KIAA1328: variants seen among roughly 807,000 people sequenced by gnomAD.
KIAA1328 encodes the protein KIAA1328, also known as protein hinderin.
In KIAA1328, 52 loss-of-function variants were observed where a neutral mutation model predicts 68.1. That is an observed-to-expected ratio of 0.76 (90% CI 0.61 to 0.96). The LOEUF (loss-of-function observed/expected upper bound fraction) is 0.96, where lower values mean the gene tolerates loss of function less well. Ranked by LOEUF, KIAA1328 falls within the 40% of genes least tolerant of loss-of-function variation. The pLI, the probability that KIAA1328 is intolerant of heterozygous loss-of-function variation, is 0.00. For synonymous variants in KIAA1328, 232 were observed against 239.4 expected (o/e 0.97, Z 0.28); for missense variants, 641 against 677.6 (o/e 0.95, Z 0.60).
intron 6 of KIAA1328, among the ~76,000 whole-genome samples, chr18:36,970,787 A>G (rs1016434103): frequency 5.3e-5 from 8 of 152,208 alleles, no homozygotes; most frequent in South Asian, 2.1e-4. Flanking sequence ...ACCACTGCTC[A>G]AGGAAATAAG....
At chr18:37,226,545 A>G (rs1167211223), downstream of KIAA1328, among the ~76,000 whole-genome samples, 1 of 151,418 alleles carries the variant, frequency 6.6e-6, no homozygotes, top group Non-Finnish European at 1.5e-5. Context: ...TAATGAAATC[A>G]TATTCTATGT....
chr18:37,136,596 C>CAG (rs2058651349), intron 7 of KIAA1328, among the ~76,000 whole-genome samples: 1 of 152,184 alleles, frequency 6.6e-6, no homozygotes, highest in Non-Finnish European at 1.5e-5. Flanking sequence ...TGTTGGGCCT[C>CAG]TTGTCTGTGT....
chr18:36,853,252 T>C (rs985694497), intron 4 of KIAA1328, among the ~76,000 whole-genome samples: 2 of 152,356 alleles, frequency 1.3e-5, no homozygotes, highest in African/African-American at 2.4e-5. Flanking sequence ...AGTTAGATTA[T>C]GACTTTTAAA....
At chr18:37,082,633 G>A (rs527320388) in intron 7 of KIAA1328, among the ~76,000 whole-genome samples, 2 of 152,270 alleles carry the variant, frequency 1.3e-5, no homozygotes, top group South Asian at 2.1e-4. Context: ...ATCTTGGGAC[G>A]AGCTTGTCAT....
intron 6 of KIAA1328, among the ~76,000 whole-genome samples, chr18:37,009,578 C>G (rs1206980997): frequency 6.6e-6 from 1 of 152,098 alleles, no homozygotes; most frequent in Non-Finnish European, 1.5e-5. Context: ...TGTCACCAAG[C>G]AAGTTGAGGC....
At chr18:37,160,585 T>C (rs751221192) in intron 8 of KIAA1328, among the ~76,000 whole-genome samples, 6 of 152,212 alleles carry the variant, frequency 3.9e-5, no homozygotes, top group Non-Finnish European at 5.9e-5. Context: ...AATGAAAAAC[T>C]GTATCCAACT....
intron 5 of KIAA1328, among the ~76,000 whole-genome samples, chr18:36,913,417 T>C (rs1053671958): frequency 6.6e-6 from 1 of 151,574 alleles, no homozygotes; most frequent in African/African-American, 2.4e-5. Flanking sequence ...GGGATTCATT[T>C]TTTTTTTGAT....
intron 5 of KIAA1328, among the ~76,000 whole-genome samples, chr18:36,916,598 G>T (rs2049710008): frequency 6.6e-6 from 1 of 151,930 alleles, no homozygotes; most frequent in Non-Finnish European, 1.5e-5. Flanking sequence ...CTGATCACTT[G>T]TACCAGTCAT....
intron 9 of KIAA1328, among the ~76,000 whole-genome samples, chr18:37,198,573 T>C (rs2060046812): frequency 6.6e-6 from 1 of 152,184 alleles, no homozygotes; most frequent in South Asian, 2.1e-4. Flanking sequence ...TTAAGTGCTC[T>C]TGGTTATCCA....
At chr18:36,893,014 A>G (rs1026076229) in intron 5 of KIAA1328, among the ~76,000 whole-genome samples, 4 of 152,196 alleles carry the variant, frequency 2.6e-5, no homozygotes, top group Admixed American at 2.0e-4. Context: ...TACCCATGTA[A>G]CAAACCTGCA....
At chr18:36,877,663 CTTTTTTTT>C in intron 4 of KIAA1328, among the ~76,000 whole-genome samples, 1 of 116,012 alleles carries the variant, frequency 8.6e-6, no homozygotes, top group South Asian at 2.9e-4. Flanking sequence ...CAGTCTGTGT[CTTTTTTTT>C]TTTTTTTTTT....
intron 6 of KIAA1328, among the ~76,000 whole-genome samples, chr18:36,982,260 T>C (rs1330391014): frequency 6.7e-6 from 1 of 150,036 alleles, no homozygotes; most frequent in African/African-American, 2.4e-5. Context: ...ATGAAAACTA[T>C]AAACCCATGG....
chr18:36,911,050 G>A (rs577289744), intron 5 of KIAA1328, among the ~76,000 whole-genome samples: 2 of 151,984 alleles, frequency 1.3e-5, no homozygotes, highest in South Asian at 2.1e-4. Context: ...CCTGACTGAC[G>A]ACCCACAGAT....
At chr18:37,075,649 A>T (rs1384001297) in intron 7 of KIAA1328, 1 of 152,220 alleles carries the variant, frequency 6.6e-6, no homozygotes, top group African/African-American at 2.4e-5. Flanking sequence ...TCTACCAAGC[A>T]AATGGAGAAC....
chr18:36,881,921 T>G (rs2048340893), intron 4 of KIAA1328, among the ~76,000 whole-genome samples: 1 of 152,162 alleles, frequency 6.6e-6, no homozygotes, highest in African/African-American at 2.4e-5. Context: ...CATGTACAAG[T>G]TTTTATGTGG....
chr18:37,204,939 A>C (rs1453497610), intron 9 of KIAA1328, among the ~76,000 whole-genome samples: 1 of 150,550 alleles, frequency 6.6e-6, no homozygotes, highest in African/African-American at 2.5e-5. Context: ...CAGGACAAAC[A>C]ACCACTATTT....
intron 7 of KIAA1328, among the ~76,000 whole-genome samples, chr18:37,133,353 G>A (rs977657246): frequency 6.6e-6 from 1 of 151,744 alleles, no homozygotes; most frequent in South Asian, 2.1e-4. Context: ...GAAAATAGTG[G>A]CTGTAGGTGT....
chr18:37,205,832 G>A (rs2060206521), intron 9 of KIAA1328, among the ~76,000 whole-genome samples: 1 of 152,190 alleles, frequency 6.6e-6, no homozygotes, highest in Non-Finnish European at 1.5e-5. Flanking sequence ...ATGAGGTCCA[G>A]CAGGGCATTA....
intron 9 of KIAA1328, among the ~76,000 whole-genome samples, chr18:37,209,300 TTTTG>T (rs556632238): frequency 9.2e-5 from 14 of 152,160 alleles, no homozygotes; most frequent in South Asian, 2.1e-4. Context: ...GACCTGTGTT[TTTTG>T]TTTGTTTGTT....
Sources: allele counts gnomAD v4.1 joint callset (sites outside exome capture counted in the v4.1 genomes callset), GRCh38; gene constraint gnomAD v4.1.1; transcripts MANE v1.5; gene names NCBI Gene and HGNC (gene_info 2026-07-23, HGNC 2026-07-21).